The following CUX1 variants were observed in gnomAD, a reference collection of about 807,000 sequenced individuals.
CUX1 encodes the protein cut like homeobox 1, also known as protein CASP.
Under a neutral mutation model 158.8 loss-of-function variants are expected in CUX1, and 31 were observed. That is an observed-to-expected ratio of 0.20 (90% CI 0.15 to 0.26). The LOEUF (loss-of-function observed/expected upper bound fraction) is 0.26. CUX1 is among the 10% of genes least tolerant of loss of function. The pLI is 1.00. For missense variants in CUX1, 1,589 were observed against 2,014.6 expected, an observed-to-expected ratio of 0.79 and a Z score of 4.04; for synonymous variants, 879 against 862.1, an observed-to-expected ratio of 1.02 and a Z score of -0.34.
chr7:102,201,236 G>T lies in CUX1; in HGVS notation c.2063-124G>T. 1 of 1,392,972 alleles carries T rather than the reference G, an allele frequency of 7.2e-7. No homozygotes were observed. 86.3% of individuals were successfully genotyped at this position (1,392,972 alleles called of 1,614,324 possible). A position where few individuals can be genotyped will look rare whatever the true frequency, so the allele number is the denominator to read the frequency against. On this transcript the variant is annotated intron_variant, in intron 17 of 23. Coordinates refer to ENST00000292535, the MANE Select transcript of CUX1 (RefSeq NM_181552.4). The surrounding 1 kb of genome is among the most constrained non-coding windows in gnomAD (Gnocchi z 5.0). ...TTTCACTGACAGGGGCCATGCTGGG[G>T]AAATACACAGTGTGGTTCTCCCAAA... is the stretch of plus-strand genomic sequence containing the variant.
intron 12 of CUX1, among the ~76,000 whole-genome samples, chr7:102,192,509 C>G (rs1164253257): frequency 1.3e-5 from 2 of 152,114 alleles, no homozygotes; most frequent in African/African-American, 2.4e-5. Context: ...AAATAGGAAA[C>G]GAAGGACAGG....
At chr7:102,081,116 A>G (rs1175819237) in intron 4 of CUX1, among the ~76,000 whole-genome samples, 1 of 152,102 alleles carries the variant, frequency 6.6e-6, no homozygotes, top group African/African-American at 2.4e-5. Flanking sequence ...CTTCCTCCTT[A>G]GACTTTTGTG....
chr7:101,965,848 CAAAAAA>C (rs36052208), intron 2 of CUX1, among the ~76,000 whole-genome samples: 5 of 50,152 alleles, frequency 1.0e-4, no homozygotes, highest in South Asian at 1.3e-3. Flanking sequence ...GACTCCATCT[CAAAAAA>C]AAAAAAAAAA....
chr7:102,014,295 CACA>C (rs1818355205), intron 2 of CUX1, among the ~76,000 whole-genome samples: 1 of 152,178 alleles, frequency 6.6e-6, no homozygotes, highest in Non-Finnish European at 1.5e-5. Flanking sequence ...CACTCACTCC[CACA>C]ACACAGCCAC....
intron 6 of CUX1, 122 bp downstream of exon 6, chr7:102,104,581 G>A (rs1830139652): frequency 7.7e-7 from 1 of 1,302,874 alleles, no homozygotes; most frequent in Non-Finnish European, 1.0e-6. Flanking sequence ...AAATCTATAA[G>A]GGGTAAAATG....
At chr7:102,064,187 G>T (rs1825280740) in intron 3 of CUX1, among the ~76,000 whole-genome samples, 1 of 152,202 alleles carries the variant, frequency 6.6e-6, no homozygotes, top group African/African-American at 2.4e-5. Flanking sequence ...GATCCGTCCT[G>T]GTTTAGCTTC....
intron 3 of CUX1, among the ~76,000 whole-genome samples, chr7:102,039,157 C>T (rs1490247661): frequency 1.3e-5 from 2 of 152,156 alleles, no homozygotes; most frequent in African/African-American, 2.4e-5. Flanking sequence ...CTCTCCTTCA[C>T]GAGCACTAAA....
chr7:102,156,716 G>A (rs1398620294), intron 8 of CUX1, among the ~76,000 whole-genome samples: 2 of 152,182 alleles, frequency 1.3e-5, no homozygotes, highest in South Asian at 2.1e-4. Context: ...AACTCTCATT[G>A]TCAGGCCTGT....
At chr7:101,949,094 C>G (rs149789780) in intron 2 of CUX1, among the ~76,000 whole-genome samples, 1,781 of 152,198 alleles carry the variant, frequency 0.012, 42 homozygotes, top group African/African-American at 0.041. Context: ...GTTGTGTGTT[C>G]TTCTCCCACA....
At chr7:102,194,407 C>CT (rs1554517732) in intron 13 of CUX1, among the ~76,000 whole-genome samples, 1 of 150,820 alleles carries the variant, frequency 6.6e-6, no homozygotes, top group African/African-American at 2.4e-5. Flanking sequence ...TGAGACCAGC[C>CT]TGGGCAATAT....
chr7:102,156,292 C>G (rs1789755203), intron 8 of CUX1, among the ~76,000 whole-genome samples: 1 of 152,158 alleles, frequency 6.6e-6, no homozygotes, highest in South Asian at 2.1e-4. Context: ...ATTTGGCTCA[C>G]AGATCTGCAG....
Position 102,256,994 on chromosome 7 carries a change from A to C in CUX1, c.*7952A>C. The C allele has an allele frequency of 5.1e-6, 5 of 985,366 alleles. No homozygotes were observed. Among genetic ancestry groups the C allele is most frequent in the Non-Finnish European group, 6.0e-6 (5 of 829,924 alleles). The allele number at this position is 985,366 out of a possible 1,614,324, so 61.0% of individuals were successfully genotyped here. On this transcript the variant is annotated 3_prime_UTR_variant, in exon 24 of 24. Coordinates refer to ENST00000292535, the MANE Select transcript of CUX1 (RefSeq NM_181552.4). ...CATAGGCAGAGGGCCCCTTTCCCCT[A>C]TAGGTGGTTCAACGTGGAGGAAGGT...
Position 102,248,329 on chromosome 7 carries a change from G to T in CUX1, c.3888-83G>T. 7.7e-7 allele frequency: 1 copy of T among 1,303,570 alleles called. No individual in the cohort carries two copies. The highest frequency in any genetic ancestry group is 1.4e-5 in the South Asian group (1 of 73,352). 80.8% of individuals were successfully genotyped at this position (1,303,570 alleles called of 1,614,324 possible). ...GGCTGGACGGAGCAGGAGCCCCAGA[G>T]AGAGGGGTCTGGCTGGGGTAGCACC... On this transcript the variant is annotated intron_variant, in intron 23 of 23. Coordinates refer to ENST00000292535, the MANE Select transcript of CUX1 (RefSeq NM_181552.4). This position sits in a 1 kb window ranked among gnomAD's most constrained non-coding sequence, Gnocchi z 5.8.
intron 23 of CUX1, among the ~76,000 whole-genome samples, chr7:102,245,972 C>CA (rs61702654): frequency 0.11 from 12,336 of 113,378 alleles, 683 homozygotes; most frequent in African/African-American, 0.19. Context: ...ACTCCCTTCT[C>CA]AAAAAAAAAA....
chr7:101,938,406 C>T (rs561209906), intron 2 of CUX1, among the ~76,000 whole-genome samples: 1 of 152,238 alleles, frequency 6.6e-6, no homozygotes, highest in South Asian at 2.1e-4. Flanking sequence ...TGTGCCTGGC[C>T]GATATCCACC....
At chr7:102,278,628 TTAA>T (rs1791785569) in intron 18 of CUX1, among the ~76,000 whole-genome samples, 2 of 101,682 alleles carry the variant, frequency 2.0e-5, no homozygotes, top group Non-Finnish European at 4.3e-5. Context: ...TAAAATAAAA[TTAA>T]AATAAAATAA....
intron 20 of CUX1, among the ~76,000 whole-genome samples, chr7:102,221,987 G>A (rs1364399678): frequency 2.0e-5 from 3 of 152,058 alleles, no homozygotes; most frequent in Admixed American, 6.6e-5. Context: ...GGCTGGATGC[G>A]GTGACTCATG....
intron 8 of CUX1, among the ~76,000 whole-genome samples, chr7:102,148,947 C>A (rs1231770095): frequency 1.3e-5 from 2 of 151,838 alleles, no homozygotes; most frequent in Admixed American, 1.3e-4. Context: ...TCCTGAGTTA[C>A]TTCACTTAGA....
Position 102,248,674 on chromosome 7 carries a change from G to C in CUX1, c.4150G>C (p.Asp1384His). The stretch of plus-strand genomic sequence containing the variant: ...GCCGCCCTCGGGGACCCCGGGCCCG[G>C]ACGACGCCCGCGACGACGACCACGA... ...EPPPSGTPGPDDARDDDHEGG... is the reference protein window; with the variant it reads ...EPPPSGTPGPHDARDDDHEGG... Residue 1384 changes from aspartate to histidine, a missense_variant, in exon 24 of 24, where the codon GAC (aspartate) becomes CAC (histidine). Asp to His is a moderately conservative substitution (Grantham distance 81). Transcript: ENST00000292535. This position sits in a 1 kb window ranked among gnomAD's most constrained non-coding sequence, Gnocchi z 5.8. The C allele has an allele frequency of 7.6e-7, 1 of 1,309,748 alleles. No homozygotes were observed. The highest frequency in any genetic ancestry group is 9.7e-7 in the Non-Finnish European group (1 of 1,029,126). The allele number at this position is 1,309,748 out of a possible 1,614,324, so 81.1% of individuals were successfully genotyped here. A position where few individuals can be genotyped will look rare whatever the true frequency, so the allele number is the denominator to read the frequency against.
Sources: gnomAD v4.1 joint callset for allele counts (sites outside exome capture counted in the v4.1 genomes callset) on GRCh38, gnomAD v4.1.1 for gene constraint, Gnocchi (gnomAD v3.1) non-coding constraint, MANE v1.5 for transcripts, NCBI Gene and HGNC (gene_info 2026-07-23, HGNC 2026-07-21) for gene names.